JAM2: variants seen among roughly 807,000 people sequenced by gnomAD.
JAM2 encodes junctional adhesion molecule 2, also known as junctional adhesion molecule B.
A neutral mutation model predicts 42.0 loss-of-function variants in JAM2; 17 were observed. That is an observed-to-expected ratio of 0.40 (90% CI 0.28 to 0.61). The LOEUF is 0.61. Ranked by LOEUF, JAM2 falls within the 20% of genes least tolerant of loss-of-function variation. The probability of loss-of-function intolerance (pLI) is 0.37; values close to 1 mark genes in which losing one functional copy is unlikely to be tolerated. For missense variants in JAM2, 319 were observed against 358.3 expected, an observed-to-expected ratio of 0.89 and a Z score of 0.89; for synonymous variants, 118 against 128.6, an observed-to-expected ratio of 0.92 and a Z score of 0.56.
At chr21:25,651,372 A>T (rs1008626729) in intron 1 of JAM2, among the ~76,000 whole-genome samples, 1 of 152,224 alleles carries the variant, frequency 6.6e-6, no homozygotes, top group Admixed American at 6.5e-5. Flanking sequence ...CTTAAAATGC[A>T]AATTAGATTG....
chr21:25,699,336 C>T (rs183850233), intron 5 of JAM2, among the ~76,000 whole-genome samples: 1 of 152,264 alleles, frequency 6.6e-6, no homozygotes, highest in African/African-American at 2.4e-5. Flanking sequence ...GTGCATTAAC[C>T]CTTTTACCAG....
chr21:25,687,379 G>C (rs2033773817), intron 2 of JAM2, among the ~76,000 whole-genome samples: 1 of 152,198 alleles, frequency 6.6e-6, no homozygotes, highest in Non-Finnish European at 1.5e-5. Flanking sequence ...CGGAGTATAT[G>C]GTAGAGGTCT....
chr21:25,696,437 C>G (rs916976350), intron 4 of JAM2, among the ~76,000 whole-genome samples: 34 of 152,070 alleles, frequency 2.2e-4, no homozygotes, highest in Admixed American at 2.2e-3. Context: ...AGAGGGAGCC[C>G]CCTTCCTTTT....
chr21:25,695,272 C>T (rs1009941013), intron 4 of JAM2, among the ~76,000 whole-genome samples: 2 of 152,104 alleles, frequency 1.3e-5, no homozygotes, highest in Admixed American at 6.5e-5. Context: ...ACACAGCACA[C>T]GTTTCAGAGA....
intron 3 of JAM2, among the ~76,000 whole-genome samples, chr21:25,691,246 C>G (rs2033874374): frequency 6.6e-6 from 1 of 152,214 alleles, no homozygotes; most frequent in Non-Finnish European, 1.5e-5. Context: ...TCTTATCTGT[C>G]AAGATAAGAC....
In JAM2 at chr21:25,710,544, G is replaced by T. The variant is rs535946631; in HGVS notation, c.821+1095G>T. Among the ~76,000 whole-genome samples the T allele has an allele frequency of 5.9e-4, 90 of 152,310 alleles. 2 individuals carry two copies. The South Asian group carries it at 0.018, about 31-fold the overall frequency. ...TTTGAGAAAGGCCTGAAGAGGGTGA[G>T]GAAGCAAGTTGTGCAAATAACCATG... On this transcript the variant is annotated intron_variant, in intron 8 of 9. Transcript: ENST00000480456.
intron 1 of JAM2, among the ~76,000 whole-genome samples, chr21:25,643,294 G>A (rs530000116): frequency 1.4e-4 from 21 of 152,286 alleles, no homozygotes; most frequent in Admixed American, 5.2e-4. Flanking sequence ...TGAGTATTCC[G>A]TGTTTGGTGG....
chr21:25,697,870 T>C (rs1465042143), intron 4 of JAM2, among the ~76,000 whole-genome samples: 1 of 151,624 alleles, frequency 6.6e-6, no homozygotes, highest in Non-Finnish European at 1.5e-5. Context: ...ATCACGCCAC[T>C]GTACTCCAGC....
In JAM2 at chr21:25,674,105, C is replaced by T. The variant is rs543832430; in HGVS notation, c.68-9778C>T. ...AAACCTCTTTCCTTTATAAGTTACG[C>T]AGTCTTGGCCAGGTGCAGTGGCTCA... On this transcript the variant is annotated intron_variant, in intron 1 of 9. Transcript: ENST00000480456. Among the ~76,000 whole-genome samples the T allele has an allele frequency of 1.1e-4, 17 of 152,274 alleles. 1 individual carries two copies. In the South Asian group the frequency reaches 3.3e-3, roughly 30 times the overall value.
intron 4 of JAM2, among the ~76,000 whole-genome samples, chr21:25,695,102 G>C (rs2033973708): frequency 6.6e-6 from 1 of 152,032 alleles, no homozygotes; most frequent in African/African-American, 2.4e-5. Context: ...AGGGTCTTTG[G>C]TTTTCCTAGG....
chr21:25,654,220 T>C (rs2123320828), intron 1 of JAM2, among the ~76,000 whole-genome samples: 1 of 152,330 alleles, frequency 6.6e-6, no homozygotes, highest in Middle Eastern at 3.4e-3. Flanking sequence ...CTAATCATCA[T>C]TTGCAGCATG....
intron 1 of JAM2, among the ~76,000 whole-genome samples, chr21:25,643,177 A>T (rs2123298699): frequency 6.6e-6 from 1 of 152,354 alleles, no homozygotes; most frequent in Non-Finnish European, 1.5e-5. Flanking sequence ...GTATAGATTG[A>T]ACTGATTGCA....
At chr21:25,663,418 T>A (rs1275520750) in intron 1 of JAM2, among the ~76,000 whole-genome samples, 3 of 152,104 alleles carry the variant, frequency 2.0e-5, no homozygotes, top group African/African-American at 7.2e-5. Flanking sequence ...AGGAAGAGGG[T>A]TGCTATGGTT....
chr21:25,661,235 T>G (rs2033080656), intron 1 of JAM2, among the ~76,000 whole-genome samples: 1 of 152,140 alleles, frequency 6.6e-6, no homozygotes, highest in Non-Finnish European at 1.5e-5. Context: ...GAGGATCTCT[T>G]GAGGCCAAGA....
At chr21:25,639,916 C>A (rs1049912434) in intron 1 of JAM2, 28 bp downstream of exon 1, 5 of 1,503,688 alleles carry the variant, frequency 3.3e-6, no homozygotes, top group Middle Eastern at 3.4e-4. Flanking sequence ...CTCTACCCTT[C>A]CTGCCTGGAC....
At chr21:25,693,164 T>C (rs1276056826) in intron 3 of JAM2, among the ~76,000 whole-genome samples, 1 of 152,178 alleles carries the variant, frequency 6.6e-6, no homozygotes, top group East Asian at 1.9e-4. Flanking sequence ...AGGTTGAACA[T>C]AGGCATTACA....
chr21:25,675,584 G>A (rs533802322), intron 1 of JAM2, among the ~76,000 whole-genome samples: 2 of 138,132 alleles, frequency 1.4e-5, no homozygotes, highest in African/African-American at 2.6e-5. Flanking sequence ...AGGAAGGAAG[G>A]AAGGAAGGAA....
At chr21:25,648,192 C>T (rs1413585890) in intron 1 of JAM2, among the ~76,000 whole-genome samples, 1 of 150,396 alleles carries the variant, frequency 6.6e-6, no homozygotes, top group African/African-American at 2.5e-5. Context: ...GCCTGGGCAA[C>T]ACAGCAAGAT....
chr21:25,674,307 A>C (rs1158444957), intron 1 of JAM2, among the ~76,000 whole-genome samples: 1 of 152,138 alleles, frequency 6.6e-6, no homozygotes. Flanking sequence ...GGGCATGAGA[A>C]TCACTTGAAC....
Sources: gnomAD v4.1 joint callset for allele counts (sites outside exome capture counted in the v4.1 genomes callset) on GRCh38, gnomAD v4.1.1 for gene constraint, MANE v1.5 for transcripts, NCBI Gene and HGNC (gene_info 2026-07-23, HGNC 2026-07-21) for gene names.